Variants in EPS8L3 observed in about 807,000 individuals in gnomAD.
The protein encoded by EPS8L3 is EPS8 signaling adaptor L3.
In EPS8L3, 80 loss-of-function variants were observed where a neutral mutation model predicts 88.5. The ratio of observed to expected loss-of-function variants is 0.90; its 90% confidence interval spans 0.75 to 1.09. The LOEUF (loss-of-function observed/expected upper bound fraction) is 1.09, where lower values mean the gene tolerates loss of function less well. Ranked by LOEUF, EPS8L3 falls within the 50% of genes least tolerant of loss-of-function variation. The pLI is 0.00. For missense variants in EPS8L3, 721 were observed against 735.2 expected (o/e 0.98, Z 0.22); for synonymous variants, 286 against 291.0 (o/e 0.98, Z 0.18).
chr1:109,759,042 G>T lies in EPS8L3; in HGVS notation c.461+20C>A. 1.9e-6 allele frequency: 3 copies of T among 1,586,152 alleles called. No homozygotes were observed. Among genetic ancestry groups the T allele is most frequent in the Non-Finnish European group, 2.6e-6 (3 of 1,166,522 alleles). On this transcript the variant is annotated intron_variant, in intron 6 of 18. Transcript: ENST00000361965. The surrounding 1 kb of genome is among the most constrained non-coding windows in gnomAD (Gnocchi z 4.2). The stretch of plus-strand genomic sequence containing the variant: ...CTGAGCTGGGAGGCCCCATAGGTGG[G>T]CTGGGCAGAGGCTGCCTACCTTTGC...
Position 109,757,869 on chromosome 1 carries a change from A to G in EPS8L3, c.833-6T>C. Reference sequence around the variant, plus strand: ...GTACTGTGCCTGGGTGAGACCTGGGAGAAGGGGCCAAGACGGTGGGCCAGA... The same window carrying G: ...GTACTGTGCCTGGGTGAGACCTGGGGGAAGGGGCCAAGACGGTGGGCCAGA... On this transcript the variant is annotated splice_polypyrimidine_tract_variant and splice_region_variant and intron_variant, in intron 9 of 18. Transcript: ENST00000361965. 6.2e-7 allele frequency: 1 copy of G among 1,614,068 alleles called. No homozygotes were observed. Among genetic ancestry groups the G allele is most frequent in the Non-Finnish European group, 8.5e-7 (1 of 1,179,960 alleles).
intron 11 of EPS8L3, 106 bp downstream of exon 11, chr1:109,757,374 AC>A: frequency 8.2e-7 from 1 of 1,218,172 alleles, no homozygotes; most frequent in African/African-American, 1.5e-5. Context: ...ATCTGGTTCC[AC>A]CCTGGCCCCT....
intron 18 of EPS8L3, 84 bp downstream of exon 18, chr1:109,750,575 CT>C (rs1649685756): frequency 1.9e-6 from 3 of 1,602,822 alleles, no homozygotes; most frequent in Non-Finnish European, 2.6e-6. Context: ...AGGGCTGGGC[CT>C]GCAGGCTTTT....
In EPS8L3 at chr1:109,758,978, G is replaced by A. The variant is rs1290432328; in HGVS notation, c.461+84C>T. 4 of 1,413,332 alleles carry A rather than the reference G, an allele frequency of 2.8e-6. No individual in the cohort carries two copies. The African/African-American group carries it at 4.3e-5, about 15-fold the overall frequency. 87.5% of individuals were successfully genotyped at this position (1,413,332 alleles called of 1,614,324 possible). On this transcript the variant is annotated intron_variant, in intron 6 of 18. Coordinates refer to ENST00000361965, the MANE Select transcript of EPS8L3 (RefSeq NM_133181.4). ...AGGTTGGTTGGGCCACAACCTCCTG[G>A]GTGCCCCAAGATATGGGGTCAGGGT...
At chr1:109,751,818 T>C in intron 15 of EPS8L3, 36 bp from the exon 16 acceptor site, 1 of 1,609,948 alleles carries the variant, frequency 6.2e-7, no homozygotes. Flanking sequence ...CCTGAGCCTC[T>C]TTCCAGCCAG....
chr1:109,752,697 A>G lies in EPS8L3; in HGVS notation c.1224T>C (p.Pro408=). ...AGCTCAGAGCATACCGAAGGGAAAC[A>G]GGGTCCTGGTATCCTAAGGGTGCCT... ...SSQAPLGYQD[P]VSLRRGSHRL... The change falls in exon 14 of 19, where the codon CCT becomes CCC. Residue 408 remains proline, a synonymous_variant. Coordinates refer to ENST00000361965, the MANE Select transcript of EPS8L3 (RefSeq NM_133181.4). The G allele has an allele frequency of 6.4e-7, 1 of 1,552,008 alleles. No homozygotes were observed. The highest frequency in any genetic ancestry group is 2.4e-5 in the East Asian group (1 of 41,020).
chr1:109,758,987 A>C (rs1570697699), intron 6 of EPS8L3, 75 bp downstream of exon 6: 1 of 1,466,310 alleles, frequency 6.8e-7, no homozygotes, highest in African/African-American at 1.4e-5. Flanking sequence ...GGGTGCCCCA[A>C]GATATGGGGT....
At chr1:109,760,987 C>T (rs371506062) in intron 3 of EPS8L3, among the ~76,000 whole-genome samples, 127 of 152,280 alleles carry the variant, frequency 8.3e-4, no homozygotes, top group Non-Finnish European at 1.3e-3. Flanking sequence ...GGAGCAGCCT[C>T]GGAGCTGCTC....
rs1650606894 is a variant in EPS8L3, at chr1:109,759,032, C to G, written c.461+30G>C. 4 of 1,578,950 alleles carry G rather than the reference C, an allele frequency of 2.5e-6. No individual in the cohort carries two copies. The highest frequency in any genetic ancestry group is 3.4e-6 in the Non-Finnish European group (4 of 1,162,384). ...GCCCCCGAGGCTGAGCTGGGAGGCCCCATAGGTGGGCTGGGCAGAGGCTGC... is the reference window on the plus strand; with the variant it reads ...GCCCCCGAGGCTGAGCTGGGAGGCCGCATAGGTGGGCTGGGCAGAGGCTGC... On this transcript the variant is annotated intron_variant, in intron 6 of 18. Coordinates refer to ENST00000361965, the MANE Select transcript of EPS8L3 (RefSeq NM_133181.4). This position sits in a 1 kb window ranked among gnomAD's most constrained non-coding sequence, Gnocchi z 4.2.
In EPS8L3 at chr1:109,752,191, C is replaced by T. The variant is rs372478726; in HGVS notation, c.1238G>A (p.Arg413Gln). The change falls in exon 15 of 19, where the codon CGG becomes CAG. Residue 413 changes from arginine to glutamine, a missense_variant and splice_region_variant. Arg to Gln is a conservative substitution (Grantham distance 43). Transcript: ENST00000361965. ...LGYQDPVSLR[R>Q]GSHRLGSTSH... ...GGTGCTCCCTAACCTATGACTTCCC[C>T]GCCTAAGAAACAGAGTCAGGATGGC... 5.5e-5 allele frequency: 89 copies of T among 1,610,384 alleles called. No homozygotes were observed. The highest frequency in any genetic ancestry group is 4.5e-4 in the East Asian group (20 of 44,780).
intron 12 of EPS8L3, among the ~76,000 whole-genome samples, chr1:109,756,013 C>T (rs7537620): frequency 0.05 from 7,588 of 152,268 alleles, 615 homozygotes; most frequent in African/African-American, 0.17. Context: ...TTGCCAAGGC[C>T]CTTGCCTCTT....
intron 17 of EPS8L3, among the ~76,000 whole-genome samples, chr1:109,751,022 C>T (rs1202228670): frequency 2.0e-5 from 3 of 152,158 alleles, no homozygotes; most frequent in Non-Finnish European, 4.4e-5. Flanking sequence ...TGGGGAGGGG[C>T]GGCTAAGCTG....
At chr1:109,763,595 C>T (rs1295683174) in intron 1 of EPS8L3, among the ~76,000 whole-genome samples, 1 of 152,166 alleles carries the variant, frequency 6.6e-6, no homozygotes, top group African/African-American at 2.4e-5. Context: ...CTCATAGACC[C>T]TGGGGCAAGC....
At chr1:109,753,232 C>G in intron 12 of EPS8L3, 34 bp from the exon 13 acceptor site, 1 of 1,508,296 alleles carries the variant, frequency 6.6e-7, no homozygotes, top group Non-Finnish European at 9.1e-7. Flanking sequence ...TTCACATCCA[C>G]TCTGTGAACT....
intron 3 of EPS8L3, 54 bp downstream of exon 3, chr1:109,761,441 A>C: frequency 6.6e-7 from 1 of 1,519,580 alleles, no homozygotes. Flanking sequence ...CGGTGGGCAC[A>C]TGGGAACACT....
Position 109,759,127 on chromosome 1 carries a change from A to C in EPS8L3, c.406-10T>G, listed in dbSNP as rs1386442540. 2 of 1,610,390 alleles carry C rather than the reference A, an allele frequency of 1.2e-6. No homozygotes were observed. The highest frequency in any genetic ancestry group is 1.7e-6 in the Non-Finnish European group (2 of 1,179,490). On this transcript the variant is annotated splice_polypyrimidine_tract_variant and intron_variant, in intron 5 of 18. Transcript: ENST00000361965. The surrounding 1 kb of genome is among the most constrained non-coding windows in gnomAD (Gnocchi z 4.2). ...TCTTCAGTCGCTCTGCCTGGGAAGC[A>C]GCAGTCAGGCAGGCTAAGTGTGTGT...
In EPS8L3 at chr1:109,759,640, C is replaced by T. The variant is rs766011444; in HGVS notation, c.255+38G>A. ...GAGCTAGTGCTTGCTTCCCCACAGCCCAGGCTGGCTATCACTGGGTTTGCT... is the reference window on the plus strand; with the variant it reads ...GAGCTAGTGCTTGCTTCCCCACAGCTCAGGCTGGCTATCACTGGGTTTGCT... On this transcript the variant is annotated intron_variant, in intron 4 of 18. Coordinates refer to ENST00000361965, the MANE Select transcript of EPS8L3 (RefSeq NM_133181.4). This position sits in a 1 kb window ranked among gnomAD's most constrained non-coding sequence, Gnocchi z 4.2. The T allele has an allele frequency of 1.9e-6, 3 of 1,605,494 alleles. No individual in the cohort carries two copies. Among genetic ancestry groups the T allele is most frequent in the Non-Finnish European group, 2.5e-6 (3 of 1,176,934 alleles).
intron 9 of EPS8L3, 21 bp from the exon 10 acceptor site, chr1:109,757,884 G>A (rs201349591): frequency 3.8e-5 from 61 of 1,613,742 alleles, no homozygotes; most frequent in Middle Eastern, 1.6e-4. Flanking sequence ...GGGCCAAGAC[G>A]GTGGGCCAGA....
chr1:109,753,260 G>A (rs1649978589), intron 12 of EPS8L3, 62 bp from the exon 13 acceptor site: 1 of 1,401,520 alleles, frequency 7.1e-7, no homozygotes, highest in Non-Finnish European at 9.8e-7. Context: ...CAGGCTGTGG[G>A]ACGCGGACAG....
Sources: gnomAD v4.1 joint callset for allele counts (sites outside exome capture counted in the v4.1 genomes callset) on GRCh38, gnomAD v4.1.1 for gene constraint, Gnocchi (gnomAD v3.1) non-coding constraint, MANE v1.5 for transcripts, NCBI Gene and HGNC (gene_info 2026-07-23, HGNC 2026-07-21) for gene names.